Variants in KCNIP4 observed in about 807,000 individuals in gnomAD.
KCNIP4 encodes potassium voltage-gated channel interacting protein 4.
A neutral mutation model predicts 34.0 loss-of-function variants in KCNIP4; 12 were observed. That is an observed-to-expected ratio of 0.35 (90% CI 0.23 to 0.57). The LOEUF (loss-of-function observed/expected upper bound fraction) is 0.57. Among genes scored for constraint, KCNIP4 ranks in the 20% least tolerant of loss-of-function variants. The probability of loss-of-function intolerance (pLI) is 0.83; values close to 1 mark genes in which losing one functional copy is unlikely to be tolerated. For missense variants in KCNIP4, 238 were observed against 311.7 expected (o/e 0.76, Z 1.78); for synonymous variants, 124 against 102.2 (o/e 1.21, Z -1.29).
At chr4:21,027,134 G>A (rs1740625183) in intron 1 of KCNIP4, among the ~76,000 whole-genome samples, 2 of 152,206 alleles carry the variant, frequency 1.3e-5, no homozygotes, top group African/African-American at 4.8e-5. Context: ...ACATAGAGCT[G>A]ATGATTAATT....
At position 20,729,205 on chromosome 4, in the gene KCNIP4, T is replaced by TTACTTGTTATTAAGCATTACTATATAC. The variant is rs1747065888; in HGVS notation, c.*850_*876dup. ...GATTTGGCCTTTAATGCTGTTAGGATTACTTGTTATTAAGCATTACTATAT... is the reference window on the plus strand; with the variant it reads ...GATTTGGCCTTTAATGCTGTTAGGATTACTTGTTATTAAGCATTACTATATACTACTTGTTATTAAGCATTACTATAT... On this transcript the variant is annotated 3_prime_UTR_variant, in exon 9 of 9. Coordinates refer to ENST00000382152, the MANE Select transcript of KCNIP4 (RefSeq NM_025221.6). The TTACTTGTTATTAAGCATTACTATATAC allele has an allele frequency of 1.3e-5, 2 of 151,944 alleles. No homozygotes were observed. Among genetic ancestry groups the TTACTTGTTATTAAGCATTACTATATAC allele is most frequent in the African/African-American group, 4.8e-5 (2 of 41,394 alleles). The allele number at this position is 151,944 out of a possible 1,614,324, so 9.4% of individuals were successfully genotyped here. A position where few individuals can be genotyped will look rare whatever the true frequency, so the allele number is the denominator to read the frequency against.
intron 1 of KCNIP4, among the ~76,000 whole-genome samples, chr4:20,908,281 C>T (rs186790232): frequency 1.0e-3 from 158 of 152,074 alleles, no homozygotes; most frequent in Admixed American, 4.0e-3. Context: ...TGTATTTTCA[C>T]TAGAGGCAGG....
intron 1 of KCNIP4, among the ~76,000 whole-genome samples, chr4:21,085,126 G>A (rs958648580): frequency 8.5e-5 from 13 of 152,092 alleles, no homozygotes; most frequent in African/African-American, 2.9e-4. Context: ...CAATATGATG[G>A]TATGTGGAGG....
At chr4:21,132,114 G>A (rs1751114286) in intron 1 of KCNIP4, among the ~76,000 whole-genome samples, 1 of 152,112 alleles carries the variant, frequency 6.6e-6, no homozygotes, top group East Asian at 1.9e-4. Flanking sequence ...AATTTAAAAT[G>A]TGAAAAAAAG....
chr4:21,940,710 A>G (rs1015281376), intron 1 of KCNIP4, among the ~76,000 whole-genome samples: 4 of 152,182 alleles, frequency 2.6e-5, no homozygotes, highest in African/African-American at 7.2e-5. Flanking sequence ...ATTAAACTCA[A>G]TGGCTACTTC....
At position 21,100,017 on chromosome 4, in the gene KCNIP4, T is replaced by G. The variant is rs889260169; in HGVS notation, c.62-217308A>C. On this transcript the variant is annotated intron_variant, in intron 1 of 8. Coordinates refer to ENST00000382152, the MANE Select transcript of KCNIP4 (RefSeq NM_025221.6). ...TTCTTCTTCTGGATGAGCAAGAAAA[T>G]TGCCTTCTTGAGATGGAATCTACCT... Among the ~76,000 whole-genome samples the G allele has an allele frequency of 4.6e-5, 7 of 152,110 alleles. 1 individual carries two copies. Among genetic ancestry groups the G allele is most frequent in the Non-Finnish European group, 7.4e-5 (5 of 68,018 alleles).
At chr4:21,707,202 C>T (rs1011370146) in intron 1 of KCNIP4, among the ~76,000 whole-genome samples, 5 of 152,250 alleles carry the variant, frequency 3.3e-5, no homozygotes, top group Middle Eastern at 3.4e-3. Flanking sequence ...CTGCCATAGT[C>T]TAATGTCACA....
intron 1 of KCNIP4, among the ~76,000 whole-genome samples, chr4:21,941,342 T>A (rs182940314): frequency 6.6e-6 from 1 of 152,244 alleles, no homozygotes; most frequent in Non-Finnish European, 1.5e-5. Flanking sequence ...CTGCTATCAG[T>A]CCAATCTGAT....
At chr4:21,637,457 G>T (rs1202487358) in intron 1 of KCNIP4, among the ~76,000 whole-genome samples, 1 of 152,016 alleles carries the variant, frequency 6.6e-6, no homozygotes, top group East Asian at 1.9e-4. Flanking sequence ...CTCTTCAAAA[G>T]AGGTCCTAAT....
chr4:21,882,677 C>T (rs539115446), intron 1 of KCNIP4, among the ~76,000 whole-genome samples: 4 of 152,208 alleles, frequency 2.6e-5, no homozygotes, highest in African/African-American at 9.6e-5. Flanking sequence ...TTTCAAGTGG[C>T]TGCGTCCCTG....
Position 21,131,811 on chromosome 4 carries a change from A to G in KCNIP4, c.62-249102T>C, listed in dbSNP as rs534085993. Among the ~76,000 whole-genome samples, 28 of 152,326 alleles carry G rather than the reference A, an allele frequency of 1.8e-4. No homozygotes were observed. In the South Asian group the frequency reaches 2.3e-3, roughly 12 times the overall value. On this transcript the variant is annotated intron_variant, in intron 1 of 8. Coordinates refer to ENST00000382152, the MANE Select transcript of KCNIP4 (RefSeq NM_025221.6). ...TCTGTATATACATTGTACTTCCATG[A>G]AAAGTTAATACTTTGGTATAAACAA...
chr4:21,293,251 C>T (rs1024375374), intron 1 of KCNIP4, among the ~76,000 whole-genome samples: 1 of 152,146 alleles, frequency 6.6e-6, no homozygotes, highest in Admixed American at 6.5e-5. Context: ...ACAACAGTGA[C>T]CAATTTACAT....
intron 1 of KCNIP4, among the ~76,000 whole-genome samples, chr4:21,370,744 C>A (rs1720267367): frequency 1.7e-5 from 2 of 118,186 alleles, no homozygotes; most frequent in Admixed American, 8.7e-5. Flanking sequence ...TTGCAAAGAC[C>A]CAGGAAGGAA....
rs1490123008 is a variant in KCNIP4, at chr4:21,234,390, CAT to C, written c.62-351683_62-351682del. Among the ~76,000 whole-genome samples the C allele has an allele frequency of 1.3e-4, 14 of 105,166 alleles. 2 individuals carry two copies. Among genetic ancestry groups the C allele is most frequent in the Non-Finnish European group, 2.3e-4 (13 of 56,820 alleles). The allele number at this position is 105,166 out of a possible 152,430, so 69.0% of individuals were successfully genotyped here. A position where few individuals can be genotyped will look rare whatever the true frequency, so the allele number is the denominator to read the frequency against. ...AATATATAACATACATCATACATAA[CAT>C]ATATAATATATTATATAACATATAC... On this transcript the variant is annotated intron_variant, in intron 1 of 8. Coordinates refer to ENST00000382152, the MANE Select transcript of KCNIP4 (RefSeq NM_025221.6).
At chr4:20,893,462 G>T (rs961963965) in intron 1 of KCNIP4, among the ~76,000 whole-genome samples, 1 of 151,754 alleles carries the variant, frequency 6.6e-6, no homozygotes, top group South Asian at 2.1e-4. Context: ...TCACTCTTTC[G>T]CCCAGGCTGG....
chr4:21,169,571 G>A (rs1169204907), intron 1 of KCNIP4, among the ~76,000 whole-genome samples: 1 of 151,780 alleles, frequency 6.6e-6, no homozygotes, highest in Non-Finnish European at 1.5e-5. Context: ...AGTAAATGAG[G>A]TTCTAATGCT....
At chr4:21,056,198 A>G (rs1743385094) in intron 1 of KCNIP4, among the ~76,000 whole-genome samples, 1 of 152,158 alleles carries the variant, frequency 6.6e-6, no homozygotes, top group Non-Finnish European at 1.5e-5. Flanking sequence ...GCATACTTTC[A>G]TCTATAGCTT....
At chr4:21,546,671 C>T (rs1738179231) in intron 1 of KCNIP4, among the ~76,000 whole-genome samples, 1 of 152,118 alleles carries the variant, frequency 6.6e-6, no homozygotes, top group South Asian at 2.1e-4. Context: ...CTTATGTCTT[C>T]CTTCCATGAT....
chr4:21,380,440 G>GGAGGGAGAGGGAGGGA (rs1721377870), intron 1 of KCNIP4, among the ~76,000 whole-genome samples: 1 of 122,714 alleles, frequency 8.1e-6, no homozygotes, highest in Non-Finnish European at 1.7e-5. Flanking sequence ...TGAGGGAGAG[G>GGAGGGAGAGGGAGGGA]GAGGGAGAGG....
Sources: gnomAD v4.1 joint callset for allele counts (sites outside exome capture counted in the v4.1 genomes callset) on GRCh38, gnomAD v4.1.1 for gene constraint, MANE v1.5 for transcripts, NCBI Gene and HGNC (gene_info 2026-07-23, HGNC 2026-07-21) for gene names.